LRRC4C: variants seen among roughly 807,000 people sequenced by gnomAD.
LRRC4C encodes the protein leucine-rich repeat-containing protein 4C.
In LRRC4C, 5 loss-of-function variants were observed where a neutral mutation model predicts 33.6. That is an observed-to-expected ratio of 0.15 (90% CI 0.08 to 0.31). LRRC4C has a LOEUF of 0.31. Among genes scored for constraint, LRRC4C ranks in the 10% least tolerant of loss-of-function variants. The pLI is 1.00. For missense variants in LRRC4C, 560 were observed against 796.7 expected, an observed-to-expected ratio of 0.70 and a Z score of 3.58; for synonymous variants, 329 against 302.0, an observed-to-expected ratio of 1.09 and a Z score of -0.93.
chr11:40,256,352 A>G (rs2136219177), intron 4 of LRRC4C, among the ~76,000 whole-genome samples: 1 of 152,294 alleles, frequency 6.6e-6, no homozygotes, highest in African/African-American at 2.4e-5. Flanking sequence ...ACTGGAAGTA[A>G]TGATGACAAT....
At chr11:41,209,609 C>T (rs1189154780) in intron 1 of LRRC4C, among the ~76,000 whole-genome samples, 1 of 149,104 alleles carries the variant, frequency 6.7e-6, no homozygotes, top group African/African-American at 2.5e-5. Context: ...TGCACCACTG[C>T]ACTCCAGCCT....
chr11:40,645,761 G>C (rs1280686227), intron 3 of LRRC4C, among the ~76,000 whole-genome samples: 1 of 152,070 alleles, frequency 6.6e-6, no homozygotes, highest in Non-Finnish European at 1.5e-5. Context: ...CTGCATCCCA[G>C]CTCCGTGGGT....
intron 5 of LRRC4C, among the ~76,000 whole-genome samples, chr11:40,151,647 A>G (rs150850828): frequency 2.5e-4 from 38 of 152,308 alleles, no homozygotes; most frequent in African/African-American, 8.7e-4. Flanking sequence ...CAGTTGTGCT[A>G]AAGTTTATAA....
intron 5 of LRRC4C, among the ~76,000 whole-genome samples, chr11:40,150,109 T>A (rs1858066894): frequency 6.6e-6 from 1 of 152,186 alleles, no homozygotes; most frequent in Non-Finnish European, 1.5e-5. Flanking sequence ...GCTACATGAC[T>A]CCATTCTCTT....
chr11:41,124,548 T>C (rs1467371962), intron 1 of LRRC4C, among the ~76,000 whole-genome samples: 1 of 151,944 alleles, frequency 6.6e-6, no homozygotes, highest in East Asian at 1.9e-4. Context: ...TATAACAAAC[T>C]CTTCTGCTCT....
chr11:40,775,676 C>T (rs1591687426), intron 2 of LRRC4C, among the ~76,000 whole-genome samples: 1 of 152,172 alleles, frequency 6.6e-6, no homozygotes, highest in East Asian at 1.9e-4. Context: ...GGCCCTTTGG[C>T]AAAATTATTA....
At chr11:41,119,726 C>T (rs1942327069) in intron 1 of LRRC4C, among the ~76,000 whole-genome samples, 1 of 152,128 alleles carries the variant, frequency 6.6e-6, no homozygotes, top group Non-Finnish European at 1.5e-5. Flanking sequence ...TATGTGTTTC[C>T]TGTGATGGCT....
At chr11:40,475,364 C>G (rs1203321949) in intron 3 of LRRC4C, among the ~76,000 whole-genome samples, 1 of 152,090 alleles carries the variant, frequency 6.6e-6, no homozygotes, top group African/African-American at 2.4e-5. Flanking sequence ...GAAAACCAAA[C>G]ACCACATATT....
chr11:40,787,466 A>G (rs75426780), intron 2 of LRRC4C, among the ~76,000 whole-genome samples: 17,080 of 152,212 alleles, frequency 0.11, 1,018 homozygotes, highest in East Asian at 0.18. Flanking sequence ...AACATTCTCC[A>G]TTGCATGTCT....
At chr11:40,430,982 G>C (rs1950902794) in intron 3 of LRRC4C, among the ~76,000 whole-genome samples, 1 of 145,996 alleles carries the variant, frequency 6.8e-6, no homozygotes, top group Non-Finnish European at 1.5e-5. Flanking sequence ...AGCATTGGGA[G>C]ATATACCTAA....
chr11:41,413,345 C>T (rs555473007), intron 1 of LRRC4C, among the ~76,000 whole-genome samples: 2 of 152,072 alleles, frequency 1.3e-5, no homozygotes, highest in Non-Finnish European at 2.9e-5. Context: ...ATGGTAATAC[C>T]AATTATGGGA....
intron 1 of LRRC4C, among the ~76,000 whole-genome samples, chr11:41,390,205 A>G (rs1411915373): frequency 6.6e-6 from 1 of 151,940 alleles, no homozygotes; most frequent in African/African-American, 2.4e-5. Flanking sequence ...TCTCCTACAT[A>G]TGCAAAGTGA....
intron 1 of LRRC4C, among the ~76,000 whole-genome samples, chr11:41,400,791 GA>G (rs1953997015): frequency 6.6e-6 from 1 of 151,886 alleles, no homozygotes; most frequent in Admixed American, 6.6e-5. Flanking sequence ...TTATAAAACA[GA>G]AAACGTGCAT....
intron 3 of LRRC4C, among the ~76,000 whole-genome samples, chr11:40,429,100 A>G (rs970481875): frequency 1.3e-5 from 2 of 152,224 alleles, no homozygotes; most frequent in Admixed American, 6.5e-5. Context: ...AGATATAGTG[A>G]TAACAATAAC....
In LRRC4C at chr11:41,346,744, A is replaced by T. The variant is rs548452857; in HGVS notation, c.-496+112687T>A. ...GTTCCGCATTATTGAGTGCTACTCA[A>T]TTTTGTTTAACATAGCATTCCAAAC... is the stretch of plus-strand genomic sequence containing the variant. On this transcript the variant is annotated intron_variant, in intron 1 of 6. Coordinates refer to ENST00000528697, the MANE Select transcript of LRRC4C (RefSeq NM_001258419.2). Among the ~76,000 whole-genome samples, 80 of 152,342 alleles carry T rather than the reference A, an allele frequency of 5.3e-4. 1 individual carries two copies. The East Asian group carries it at 0.014, about 28-fold the overall frequency.
intron 1 of LRRC4C, among the ~76,000 whole-genome samples, chr11:41,031,891 T>C (rs552594418): frequency 1.3e-5 from 2 of 152,074 alleles, no homozygotes; most frequent in East Asian, 1.9e-4. Context: ...AAGCTGTCTC[T>C]GGGTGAAGGT....
At chr11:40,531,741 A>C (rs540828115) in intron 3 of LRRC4C, among the ~76,000 whole-genome samples, 56 of 151,920 alleles carry the variant, frequency 3.7e-4, no homozygotes, top group Non-Finnish European at 7.8e-4. Flanking sequence ...AGAGAGGAGG[A>C]GGCTTTGTCA....
chr11:40,170,774 C>T (rs543794319), intron 5 of LRRC4C, among the ~76,000 whole-genome samples: 1 of 152,186 alleles, frequency 6.6e-6, no homozygotes, highest in Non-Finnish European at 1.5e-5. Flanking sequence ...AAATCTCAGG[C>T]TTACCTCATC....
chr11:40,816,556 A>C (rs1292796850), intron 2 of LRRC4C, among the ~76,000 whole-genome samples: 1 of 152,180 alleles, frequency 6.6e-6, no homozygotes, highest in Non-Finnish European at 1.5e-5. Flanking sequence ...TTTATAATGC[A>C]TGTGTTAATA....
Sources: gnomAD v4.1 joint callset for allele counts (sites outside exome capture counted in the v4.1 genomes callset) on GRCh38, gnomAD v4.1.1 for gene constraint, MANE v1.5 for transcripts, NCBI Gene and HGNC (gene_info 2026-07-23, HGNC 2026-07-21) for gene names.